HDGFL3: variants seen among roughly 807,000 people sequenced by gnomAD.
HDGFL3 encodes HDGF like 3, also known as hepatoma-derived growth factor-related protein 3.
In HDGFL3, 6 loss-of-function variants were observed where a neutral mutation model predicts 27.6. That is an observed-to-expected ratio of 0.22 (90% CI 0.12 to 0.43). The LOEUF is 0.43. HDGFL3 is among the 20% of genes least tolerant of loss of function. The pLI, the probability that HDGFL3 is intolerant of heterozygous loss-of-function variation, is 1.00. For synonymous variants in HDGFL3, 88 were observed against 88.9 expected (o/e 0.99, Z 0.05); for missense variants, 207 against 250.1 (o/e 0.83, Z 1.16).
intron 1 of HDGFL3, among the ~76,000 whole-genome samples, chr15:83,203,031 T>A (rs146801125): frequency 7.8e-4 from 119 of 152,224 alleles, no homozygotes; most frequent in African/African-American, 2.8e-3. Context: ...TAGAAGAGAC[T>A]GCTAGGTCAC....
Position 83,139,175 on chromosome 15 carries a change from C to A in HDGFL3, c.*95G>T. 1.4e-6 allele frequency: 1 copy of A among 735,882 alleles called. No individual in the cohort carries two copies. Among genetic ancestry groups the A allele is most frequent in the African/African-American group, 1.8e-5 (1 of 55,102 alleles). 45.6% of individuals were successfully genotyped at this position (735,882 alleles called of 1,614,324 possible). A position where few individuals can be genotyped will look rare whatever the true frequency, so the allele number is the denominator to read the frequency against. On this transcript the variant is annotated 3_prime_UTR_variant, in exon 6 of 6. Transcript: ENST00000299633. ...GGGGTTCTGTCAATGACAACAAGGA[C>A]TATGTGTTGGTTCATATCAAATCCA...
chr15:83,149,972 A>G (rs2036944352), intron 5 of HDGFL3, among the ~76,000 whole-genome samples: 1 of 152,166 alleles, frequency 6.6e-6, no homozygotes, highest in Non-Finnish European at 1.5e-5. Flanking sequence ...TGCTTCTCAG[A>G]CTTTCATGTG....
At chr15:83,173,473 C>T (rs536725667) in intron 1 of HDGFL3, among the ~76,000 whole-genome samples, 15 of 152,238 alleles carry the variant, frequency 9.9e-5, no homozygotes, top group East Asian at 3.9e-4. Flanking sequence ...TGGGTTTATC[C>T]GGACATAATC....
chr15:83,120,486 A>G (rs1326730886), intron 3 of HDGFL3, among the ~76,000 whole-genome samples: 1 of 152,082 alleles, frequency 6.6e-6, no homozygotes, highest in Non-Finnish European at 1.5e-5. Flanking sequence ...CTTCTGGGTT[A>G]CAGAAAGTCA....
At chr15:83,170,111 G>A (rs748527965) in intron 1 of HDGFL3, among the ~76,000 whole-genome samples, 50 of 152,062 alleles carry the variant, frequency 3.3e-4, no homozygotes, top group Non-Finnish European at 3.2e-4. Flanking sequence ...TTCCTGCACT[G>A]GAATAATCAG....
chr15:83,201,916 G>A (rs769748096), intron 1 of HDGFL3, among the ~76,000 whole-genome samples: 1 of 152,170 alleles, frequency 6.6e-6, no homozygotes, highest in Non-Finnish European at 1.5e-5. Context: ...GTGAGCTTGT[G>A]CCAGGACTGA....
intron 1 of HDGFL3, among the ~76,000 whole-genome samples, chr15:83,171,297 C>T (rs1285773555): frequency 6.7e-6 from 1 of 150,086 alleles, no homozygotes; most frequent in East Asian, 2.0e-4. Flanking sequence ...GTTAGTGGGA[C>T]TGTAAATTAG....
rs1596540209 is a variant in HDGFL3 at position 83,137,999 on chromosome 15, G to A, written c.*1271C>T. On this transcript the variant is annotated 3_prime_UTR_variant, in exon 6 of 6. Transcript: ENST00000299633. ...TCAAATAATCTAAAACCCAGAGAGTGTTTAAAAAAAAAAAAAGAAAGAAAA... is the reference window on the plus strand; with the variant it reads ...TCAAATAATCTAAAACCCAGAGAGTATTTAAAAAAAAAAAAAGAAAGAAAA... 6.7e-6 allele frequency: 1 copy of A among 148,752 alleles called. No individual in the cohort carries two copies. The highest frequency in any genetic ancestry group is 2.0e-4 in the East Asian group (1 of 5,084). 9.2% of individuals were successfully genotyped at this position (148,752 alleles called of 1,614,324 possible). A position where few individuals can be genotyped will look rare whatever the true frequency, so the allele number is the denominator to read the frequency against.
intron 1 of HDGFL3, among the ~76,000 whole-genome samples, chr15:83,176,421 G>A (rs2037311898): frequency 6.6e-6 from 1 of 152,156 alleles, no homozygotes; most frequent in Non-Finnish European, 1.5e-5. Flanking sequence ...TGGCATTTTT[G>A]TTGTTTGCTT....
Position 83,207,556 on chromosome 15 carries a change from G to T in HDGFL3, c.-142C>A. 1 of 541,512 alleles carries T rather than the reference G, an allele frequency of 1.8e-6. No individual in the cohort carries two copies. The highest frequency in any genetic ancestry group is 2.7e-6 in the Non-Finnish European group (1 of 364,080). The allele number at this position is 541,512 out of a possible 1,614,324, so 33.5% of individuals were successfully genotyped here. A position where few individuals can be genotyped will look rare whatever the true frequency, so the allele number is the denominator to read the frequency against. ...GCGGCCGCTCCGACGAGGGGAAGCG[G>T]CGAGGCGGCGGCTGAGGCAAGGGGT... On this transcript the variant is annotated 5_prime_UTR_variant, in exon 1 of 6. Coordinates refer to ENST00000299633, the MANE Select transcript of HDGFL3 (RefSeq NM_016073.4). The surrounding 1 kb of genome is among the most constrained non-coding windows in gnomAD (Gnocchi z 4.8).
intron 1 of HDGFL3, among the ~76,000 whole-genome samples, chr15:83,164,367 C>CAAAAAAAAAAAAAAAAAAAAA (rs869303457): frequency 1.6e-3 from 62 of 38,390 alleles, no homozygotes; most frequent in South Asian, 5.2e-3. Flanking sequence ...TTAGAGTAAC[C>CAAAAAAAAAAAAAAAAAAAAA]AAAAAAAAAA....
chr15:83,205,613 G>A (rs529031366), intron 1 of HDGFL3, among the ~76,000 whole-genome samples: 32 of 152,242 alleles, frequency 2.1e-4, no homozygotes, highest in Non-Finnish European at 4.0e-4. Flanking sequence ...ACTATCAGAA[G>A]ATATTTTTCA....
At chr15:83,182,619 A>T (rs1013400424) in intron 1 of HDGFL3, among the ~76,000 whole-genome samples, 7 of 152,216 alleles carry the variant, frequency 4.6e-5, no homozygotes, top group Non-Finnish European at 2.9e-5. Flanking sequence ...GGTGAAAAAA[A>T]ATCTGAGTAT....
In HDGFL3 at chr15:83,138,075, T is replaced by G. The variant is rs1180682139; in HGVS notation, c.*1195A>C. ...TCTATTGTCAGCTTGCTGTGAACAA[T>G]TTTTGCTTTAATATATGAATTACAT... is the stretch of plus-strand genomic sequence containing the variant. On this transcript the variant is annotated 3_prime_UTR_variant, in exon 6 of 6. Coordinates refer to ENST00000299633, the MANE Select transcript of HDGFL3 (RefSeq NM_016073.4). 2 of 152,470 alleles carry G rather than the reference T, an allele frequency of 1.3e-5. No homozygotes were observed. Among genetic ancestry groups the G allele is most frequent in the African/African-American group, 4.8e-5 (2 of 41,444 alleles). 9.4% of individuals were successfully genotyped at this position (152,470 alleles called of 1,614,324 possible).
At chr15:83,151,899 A>T (rs758988097) in intron 4 of HDGFL3, among the ~76,000 whole-genome samples, 1 of 152,218 alleles carries the variant, frequency 6.6e-6, no homozygotes, top group Non-Finnish European at 1.5e-5. Flanking sequence ...AATCTTTTCA[A>T]TTGTGGAGCA....
At chr15:83,194,384 T>A (rs1011172193) in intron 1 of HDGFL3, among the ~76,000 whole-genome samples, 5 of 152,162 alleles carry the variant, frequency 3.3e-5, no homozygotes, top group Non-Finnish European at 7.4e-5. Context: ...GGAGAGGTGA[T>A]TGCCAGGGAC....
In HDGFL3 at chr15:83,158,716, G is replaced by GA. The variant is rs2037061927; in HGVS notation, c.162-676dup. On this transcript the variant is annotated intron_variant, in intron 2 of 5. Transcript: ENST00000299633. ...TAATAGCTATCTCTGTTATCAGATG[G>GA]AAAAATCATAGTATATATAGGTTTC... Among the ~76,000 whole-genome samples, 3 of 152,108 alleles carry GA rather than the reference G, an allele frequency of 2.0e-5. No homozygotes were observed. The South Asian group carries it at 6.2e-4, about 32-fold the overall frequency.
rs984277452 is a variant in HDGFL3, at chr15:83,134,546, A to T, written c.*4724T>A. ...CCATGATTCACTTAATGTTGCCATG[A>T]GTTTGCTGTTCATGAAAGTGAGGTA... On this transcript the variant is annotated 3_prime_UTR_variant, in exon 6 of 6. Coordinates refer to ENST00000299633, the MANE Select transcript of HDGFL3 (RefSeq NM_016073.4). The T allele has an allele frequency of 6.6e-6, 1 of 152,138 alleles. No individual in the cohort carries two copies. Among genetic ancestry groups the T allele is most frequent in the African/African-American group, 2.4e-5 (1 of 41,392 alleles). 9.4% of individuals were successfully genotyped at this position (152,138 alleles called of 1,614,324 possible). A position where few individuals can be genotyped will look rare whatever the true frequency, so the allele number is the denominator to read the frequency against.
intron 1 of HDGFL3, among the ~76,000 whole-genome samples, chr15:83,165,794 CAAAAAAAA>C (rs57873221): frequency 2.9e-4 from 4 of 13,848 alleles, no homozygotes; most frequent in Admixed American, 1.2e-3. Flanking sequence ...GAATCCATCT[CAAAAAAAA>C]AAAAAAAAAA....
Sources: gnomAD v4.1 joint callset for allele counts (sites outside exome capture counted in the v4.1 genomes callset) on GRCh38, gnomAD v4.1.1 for gene constraint, Gnocchi (gnomAD v3.1) non-coding constraint, MANE v1.5 for transcripts, NCBI Gene and HGNC (gene_info 2026-07-23, HGNC 2026-07-21) for gene names.